ARHGEF33: variants seen among roughly 807,000 people sequenced by gnomAD.
ARHGEF33 encodes Rho guanine nucleotide exchange factor 33.
In ARHGEF33, 72 loss-of-function variants were observed where a neutral mutation model predicts 101.9. The observed-to-expected ratio is 0.71, with a 90% CI of 0.58 to 0.86. The LOEUF (loss-of-function observed/expected upper bound fraction) is 0.86, where lower values mean the gene tolerates loss of function less well. ARHGEF33 is among the 40% of genes least tolerant of loss of function. The pLI, the probability that ARHGEF33 is intolerant of heterozygous loss-of-function variation, is 0.00. For synonymous variants in ARHGEF33, 499 were observed against 442.5 expected (o/e 1.13, Z -1.60); for missense variants, 1,169 against 1,111.3 (o/e 1.05, Z -0.74).
rs565325428 is a variant in ARHGEF33 at position 38,928,813 on chromosome 2, G to A, written c.76-94G>A. 1.6e-4 allele frequency: 192 copies of A among 1,190,036 alleles called. No homozygotes were observed. In the African/African-American group the frequency reaches 2.7e-3, roughly 17 times the overall value. The allele number at this position is 1,190,036 out of a possible 1,614,324, so 73.7% of individuals were successfully genotyped here. ...AATGAGGTCTGTAGATTTTCAGGAG[G>A]CTTGTTTCTCAAACAAAAGAAAAAT... On this transcript the variant is annotated intron_variant, in intron 4 of 17. Transcript: ENST00000409978.
chr2:38,894,155 C>T (rs1666068791), intron 1 of ARHGEF33, among the ~76,000 whole-genome samples: 1 of 151,864 alleles, frequency 6.6e-6, no homozygotes, highest in Non-Finnish European at 1.5e-5. Flanking sequence ...CCCATCTCTA[C>T]CAAAAACAAA....
At chr2:38,966,545 C>T (rs1027467536) in intron 17 of ARHGEF33, among the ~76,000 whole-genome samples, 4 of 152,142 alleles carry the variant, frequency 2.6e-5, no homozygotes, top group African/African-American at 9.7e-5. Flanking sequence ...GGAAAGTTTT[C>T]TAAGGGATCT....
chr2:38,967,733 G>A (rs1015042753), intron 17 of ARHGEF33, among the ~76,000 whole-genome samples: 1 of 150,244 alleles, frequency 6.7e-6, no homozygotes, highest in Non-Finnish European at 1.5e-5. Context: ...CCGCCACCAC[G>A]CCCTGGCTAT....
chr2:38,893,355 T>G (rs1208181746), intron 1 of ARHGEF33, among the ~76,000 whole-genome samples: 1 of 152,092 alleles, frequency 6.6e-6, no homozygotes, highest in Admixed American at 6.6e-5. Flanking sequence ...AGACAGAGTT[T>G]CACTATGTTG....
chr2:38,949,249 C>G (rs144616781), intron 10 of ARHGEF33, among the ~76,000 whole-genome samples: 269 of 152,276 alleles, frequency 1.8e-3, no homozygotes, highest in Non-Finnish European at 3.0e-3. Flanking sequence ...TCATTTGACC[C>G]TGGGGAAATA....
rs191252917 is a variant in ARHGEF33, at chr2:38,953,019, C to T, written c.1054-143C>T. On this transcript the variant is annotated intron_variant, in intron 11 of 17. Coordinates refer to ENST00000409978, the MANE Select transcript of ARHGEF33 (RefSeq NM_001145451.5). ...TTATCTAAGATTAATTCTTTAAAGC[C>T]TCAAAATATATAAAATGAAGAACAT... 217 of 593,064 alleles carry T rather than the reference C, an allele frequency of 3.7e-4. 1 individual carries two copies. The African/African-American group carries it at 3.8e-3, about 10-fold the overall frequency. The allele number at this position is 593,064 out of a possible 1,614,324, so 36.7% of individuals were successfully genotyped here.
At chr2:38,915,303 G>T (rs1388015015) in intron 2 of ARHGEF33, among the ~76,000 whole-genome samples, 1 of 151,662 alleles carries the variant, frequency 6.6e-6, no homozygotes, top group Non-Finnish European at 1.5e-5. Flanking sequence ...GATCATGATA[G>T]TTGTTTAAGT....
intron 10 of ARHGEF33, among the ~76,000 whole-genome samples, chr2:38,945,786 A>G (rs547922976): frequency 8.5e-5 from 13 of 152,366 alleles, no homozygotes; most frequent in Admixed American, 1.3e-4. Flanking sequence ...AGGGAGTAGT[A>G]AGCAGCTGCT....
intron 2 of ARHGEF33, among the ~76,000 whole-genome samples, chr2:38,912,376 A>C (rs76353933): frequency 0.024 from 3,710 of 152,316 alleles, 151 homozygotes; most frequent in African/African-American, 0.083. Flanking sequence ...TACAAGTGAG[A>C]TCTCAAAGGG....
chr2:38,892,654 C>T (rs1298729165), intron 1 of ARHGEF33, among the ~76,000 whole-genome samples: 1 of 152,174 alleles, frequency 6.6e-6, no homozygotes, highest in Non-Finnish European at 1.5e-5. Flanking sequence ...CATATTCAGC[C>T]TCCTTTTAGT....
At chr2:38,941,628 A>G (rs1177579237) in intron 9 of ARHGEF33, among the ~76,000 whole-genome samples, 4 of 151,380 alleles carry the variant, frequency 2.6e-5, no homozygotes, top group Non-Finnish European at 5.9e-5. Flanking sequence ...GCCCACTGCA[A>G]CCTCTGGCTG....
intron 15 of ARHGEF33, 173 bp from the exon 16 acceptor site, chr2:38,959,668 C>G: frequency 1.4e-6 from 1 of 690,830 alleles, no homozygotes; most frequent in Non-Finnish European, 2.4e-6. Context: ...GCCTTGTCCA[C>G]TCTCCGCCTG....
intron 10 of ARHGEF33, among the ~76,000 whole-genome samples, chr2:38,949,275 A>T (rs2124409845): frequency 6.6e-6 from 1 of 152,316 alleles, no homozygotes; most frequent in South Asian, 2.1e-4. Context: ...GTAAGTTCAG[A>T]TCAACCAGAC....
chr2:38,951,980 G>A (rs1221890857), intron 11 of ARHGEF33, among the ~76,000 whole-genome samples: 1 of 152,204 alleles, frequency 6.6e-6, no homozygotes, highest in East Asian at 1.9e-4. Flanking sequence ...TGTGAAGTGT[G>A]AGCTGCAGTG....
rs1667586686 is a variant in ARHGEF33, at chr2:38,951,001, C to A, written c.933C>A (p.Gly311=). The A allele has an allele frequency of 3.9e-6, 6 of 1,552,100 alleles. No homozygotes were observed. The highest frequency in any genetic ancestry group is 5.2e-6 in the Non-Finnish European group (6 of 1,147,084). ...RNSKERSLFP[G]SLRYLVQQHL... ...ATTCTGTTTCAAGCCTCTTCCCTGGCTCTTTACGGTACCTCGTCCAGCAGC... is the reference window on the plus strand; with the variant it reads ...ATTCTGTTTCAAGCCTCTTCCCTGGATCTTTACGGTACCTCGTCCAGCAGC... The change falls in exon 11 of 18, where the codon GGC becomes GGA. Residue 311 remains glycine (G), a synonymous_variant. Transcript: ENST00000409978.
In ARHGEF33 at chr2:38,959,943, C is replaced by G; in HGVS notation, c.1638C>G (p.His546Gln). Residue 546 changes from histidine to glutamine, a missense_variant, in exon 16 of 18, where the codon CAC becomes CAG. Physicochemically the swap from His to Gln is conservative, Grantham distance 24. Coordinates refer to ENST00000409978, the MANE Select transcript of ARHGEF33 (RefSeq NM_001145451.5). ...PSDWELEGRK[H>Q]ERPESLLAPT... ...ACTGGGAGCTGGAGGGCAGGAAGCACGAGCGGCCCGAGAGCCTTCTGGCAC... is the reference window on the plus strand; with the variant it reads ...ACTGGGAGCTGGAGGGCAGGAAGCAGGAGCGGCCCGAGAGCCTTCTGGCAC... The G allele has an allele frequency of 6.4e-7, 1 of 1,551,566 alleles. No homozygotes were observed. The highest frequency in any genetic ancestry group is 1.7e-4 in the Middle Eastern group (1 of 5,990).
chr2:38,929,875 T>C (rs1164586185), intron 6 of ARHGEF33, 45 bp downstream of exon 6: 8 of 1,536,882 alleles, frequency 5.2e-6, no homozygotes, highest in Admixed American at 4.0e-5. Flanking sequence ...CCATAAGCAA[T>C]GGCTTCTGCA....
intron 2 of ARHGEF33, among the ~76,000 whole-genome samples, chr2:38,902,564 T>A (rs1051626654): frequency 6.6e-6 from 1 of 152,224 alleles, no homozygotes; most frequent in African/African-American, 2.4e-5. Flanking sequence ...CTGTTTAATT[T>A]TCTTTACCAC....
chr2:38,910,667 G>T (rs965179295), intron 2 of ARHGEF33, among the ~76,000 whole-genome samples: 1 of 152,182 alleles, frequency 6.6e-6, no homozygotes, highest in Non-Finnish European at 1.5e-5. Context: ...TGAATTGGTG[G>T]TTACATCCCT....
Sources: allele counts gnomAD v4.1 joint callset (sites outside exome capture counted in the v4.1 genomes callset), GRCh38; gene constraint gnomAD v4.1.1; transcripts MANE v1.5; gene names NCBI Gene and HGNC (gene_info 2026-07-23, HGNC 2026-07-21).